Variants in INO80 observed in about 807,000 individuals in gnomAD.
INO80 encodes chromatin-remodeling ATPase INO80.
In INO80, 20 loss-of-function variants were observed where a neutral mutation model predicts 203.4. The ratio of observed to expected loss-of-function variants is 0.10; its 90% CI spans 0.07 to 0.14. The LOEUF is 0.14. Among genes scored for constraint, INO80 ranks in the 10% least tolerant of loss-of-function variants. INO80 has a pLI of 1.00. For synonymous variants in INO80, 726 were observed against 685.2 expected (o/e 1.06, Z -0.93); for missense variants, 1,419 against 1,914.4 (o/e 0.74, Z 4.83).
intron 27 of INO80, among the ~76,000 whole-genome samples, chr15:41,011,242 T>C (rs993801573): frequency 2.0e-5 from 3 of 152,236 alleles, no homozygotes; most frequent in Admixed American, 6.5e-5. Flanking sequence ...CCACTGTCTT[T>C]GTGATGCTTT....
chr15:41,010,738 T>C (rs2044122083), intron 27 of INO80, among the ~76,000 whole-genome samples: 2 of 152,240 alleles, frequency 1.3e-5, no homozygotes, highest in African/African-American at 2.4e-5. Flanking sequence ...AATGTTTATA[T>C]ATCCTATTAC....
At chr15:41,017,165 T>C (rs934732605) in intron 26 of INO80, 1 of 152,332 alleles carries the variant, frequency 6.6e-6, no homozygotes, top group African/African-American at 2.4e-5. Flanking sequence ...TTGTGCTTTC[T>C]CTTTCCTCTT....
chr15:41,097,292 C>A (rs2045739847), intron 1 of INO80, among the ~76,000 whole-genome samples: 1 of 151,414 alleles, frequency 6.6e-6, no homozygotes, highest in African/African-American at 2.4e-5. Context: ...GCAATCCACC[C>A]ACCTTGGCCT....
chr15:40,993,250 C>G (rs757705842), intron 29 of INO80, among the ~76,000 whole-genome samples: 1 of 151,866 alleles, frequency 6.6e-6, no homozygotes. Flanking sequence ...AAGCAAGGTG[C>G]AGATCTCTCT....
At chr15:41,059,825 G>A (rs553662174) in intron 15 of INO80, 42 bp downstream of exon 15, 1 of 1,280,984 alleles carries the variant, frequency 7.8e-7, no homozygotes, top group South Asian at 1.3e-5. Flanking sequence ...AATAATGACT[G>A]CATGTACGGT....
At chr15:40,984,455 A>G in intron 32 of INO80, 103 bp from the exon 33 acceptor site, 1 of 1,062,354 alleles carries the variant, frequency 9.4e-7, no homozygotes, top group Middle Eastern at 2.1e-4. Context: ...TCTTTAGTTT[A>G]TAAACTTCTC....
chr15:41,079,574 C>CAAAAAAAAAAA (rs57754557), intron 9 of INO80, 127 bp downstream of exon 9: 2 of 560,364 alleles, frequency 3.6e-6, no homozygotes, highest in African/African-American at 2.3e-5. Flanking sequence ...GCATCTCTAC[C>CAAAAAAAAAAA]AAAAAAAAAA....
chr15:41,002,399 A>G (rs1034536468), intron 28 of INO80, among the ~76,000 whole-genome samples: 1 of 151,964 alleles, frequency 6.6e-6, no homozygotes, highest in Non-Finnish European at 1.5e-5. Flanking sequence ...GTTAAGTAAG[A>G]TATTTCAGAG....
chr15:41,085,625 G>C, intron 6 of INO80, 42 bp from the exon 7 acceptor site: 1 of 1,534,074 alleles, frequency 6.5e-7, no homozygotes, highest in Non-Finnish European at 9.0e-7. Context: ...TTCCACAGGA[G>C]ATAGTCACAA....
intron 35 of INO80, among the ~76,000 whole-genome samples, chr15:40,981,380 AGCCTGGACT>A (rs1893823201): frequency 6.6e-6 from 1 of 152,214 alleles, no homozygotes; most frequent in Admixed American, 6.5e-5. Flanking sequence ...CTGCCACGGC[AGCCTGGACT>A]ACTGGCATGA....
intron 1 of INO80, among the ~76,000 whole-genome samples, 186 bp downstream of exon 1, chr15:41,115,787 C>T (rs907961742): frequency 1.3e-5 from 2 of 152,232 alleles, no homozygotes; most frequent in African/African-American, 4.8e-5. Flanking sequence ...GGACAAGGCC[C>T]TAGTCCCTGA....
At chr15:41,087,202 AAAC>A (rs2045576033) in intron 6 of INO80, among the ~76,000 whole-genome samples, 1 of 152,152 alleles carries the variant, frequency 6.6e-6, no homozygotes, top group East Asian at 1.9e-4. Flanking sequence ...ATTATTCTCT[AAAC>A]AATATAGGAT....
At chr15:41,033,539 G>T (rs1241434582) in intron 24 of INO80, among the ~76,000 whole-genome samples, 1 of 152,056 alleles carries the variant, frequency 6.6e-6, no homozygotes, top group Non-Finnish European at 1.5e-5. Flanking sequence ...GCAAAACAGT[G>T]TAAGAAAATA....
At chr15:41,027,792 A>G in intron 24 of INO80, 56 bp from the exon 25 acceptor site, 1 of 1,403,080 alleles carries the variant, frequency 7.1e-7, no homozygotes, top group Non-Finnish European at 9.6e-7. Context: ...ATGTAAGCAA[A>G]ATGAAAAAAA....
chr15:41,095,498 T>G (rs1196113003), intron 4 of INO80, 103 bp downstream of exon 4: 2 of 802,122 alleles, frequency 2.5e-6, no homozygotes, highest in Non-Finnish European at 4.2e-6. Context: ...AGAATCATAT[T>G]TGAAAAACTC....
intron 28 of INO80, 110 bp downstream of exon 28, chr15:41,005,483 T>G: frequency 1.7e-6 from 1 of 598,556 alleles, no homozygotes; most frequent in Non-Finnish European, 3.0e-6. Context: ...TACATCTTGA[T>G]TCCTTAACAA....
At chr15:41,055,663 T>C (rs1253423443) in intron 17 of INO80, among the ~76,000 whole-genome samples, 1 of 152,228 alleles carries the variant, frequency 6.6e-6, no homozygotes, top group Non-Finnish European at 1.5e-5. Flanking sequence ...GATCTTCTTA[T>C]AAAAATCTAT....
chr15:41,005,635 T>C lies in INO80; in HGVS notation c.3455A>G (p.Lys1152Arg). The C allele has an allele frequency of 6.2e-7, 1 of 1,610,546 alleles. No homozygotes were observed. Among genetic ancestry groups the C allele is most frequent in the South Asian group, 1.1e-5 (1 of 90,882 alleles). The part of the protein sequence containing the change: ...HTYMRLDGSS[K>R]ISERRDMVAD... ...AACCATGTCTCGCCTCTCCGAGATCTTGGATGAGCCATCAAGCCTCATGTA... is the reference window on the plus strand; with the variant it reads ...AACCATGTCTCGCCTCTCCGAGATCCTGGATGAGCCATCAAGCCTCATGTA... Residue 1152 changes from lysine (K) to arginine (R), a missense_variant, in exon 28 of 36, where the codon AAG (lysine) becomes AGG (arginine). Lys to Arg is a conservative substitution (Grantham distance 26). Around this residue, in one of 9 missense-constraint regions of INO80, gnomAD observed 65 missense variants for 186.7 expected, o/e 0.35. Transcript: ENST00000648947.
chr15:40,993,602 T>C (rs2043843242), intron 29 of INO80, among the ~76,000 whole-genome samples: 1 of 151,612 alleles, frequency 6.6e-6, no homozygotes, highest in Non-Finnish European at 1.5e-5. Context: ...CTACTAAAAA[T>C]ATAAAAATTA....
Sources: allele counts gnomAD v4.1 joint callset (sites outside exome capture counted in the v4.1 genomes callset), GRCh38; gene constraint gnomAD v4.1.1; regional missense constraint gnomAD v4.1.1; transcripts MANE v1.5; gene names NCBI Gene and HGNC (gene_info 2026-07-23, HGNC 2026-07-21).